The following PDE1C variants were observed in gnomAD, a reference collection of about 807,000 sequenced individuals.
PDE1C encodes the protein phosphodiesterase 1C.
Under a neutral mutation model 93.1 loss-of-function variants are expected in PDE1C, and 62 were observed. The observed-to-expected ratio is 0.67, with a 90% confidence interval of 0.54 to 0.82. The LOEUF (loss-of-function observed/expected upper bound fraction) is 0.82. PDE1C is among the 40% of genes least tolerant of loss of function. The probability of loss-of-function intolerance (pLI) is 0.00; values close to 1 mark genes in which losing one functional copy is unlikely to be tolerated. For synonymous variants in PDE1C, 325 were observed against 310.1 expected, an observed-to-expected ratio of 1.05 and a Z score of -0.50; for missense variants, 742 against 884.6, an observed-to-expected ratio of 0.84 and a Z score of 2.04.
rs1276142168 is a variant in PDE1C, at chr7:32,298,041, TCTCTCTCTCTCTCTCTCTCTCTCC to T, written c.85+586_85+609del. Among the ~76,000 whole-genome samples, 280 of 69,998 alleles carry T rather than the reference TCTCTCTCTCTCTCTCTCTCTCTCC, an allele frequency of 4.0e-3. 76 individuals carry two copies. The highest frequency in any genetic ancestry group is 5.7e-3 in the South Asian group (8 of 1,392). The allele number at this position is 69,998 out of a possible 152,430, so 45.9% of individuals were successfully genotyped here. A position where few individuals can be genotyped will look rare whatever the true frequency, so the allele number is the denominator to read the frequency against. ...CCCTCTCTCTCTCTCTCTCTCTCTCTCTCTCTCTCTCTCTCTCTCTCTCCCCTCTCTCTCTGAATTCCCCGGTCT... is the reference window on the plus strand; with the variant it reads ...CCCTCTCTCTCTCTCTCTCTCTCTCTCCTCTCTCTCTGAATTCCCCGGTCT... On this transcript the variant is annotated intron_variant, in intron 1 of 18. Transcript: ENST00000396193.
chr7:32,298,785 G>T (rs772193808), exon 1 of PDE1C: 6 of 1,545,146 alleles, frequency 3.9e-6, no homozygotes, highest in Middle Eastern at 1.9e-4. Context: ...CGGCGTCTGC[G>T]GTCCCCCCCA....
the PDE1C span, chr7:31,658,136 G>A: frequency 1.7e-6 from 1 of 574,842 alleles, no homozygotes; most frequent in Admixed American, 3.7e-5. Flanking sequence ...AAACCTTGAG[G>A]GTTGCTCTGA....
chr7:31,820,388 T>C (rs1483314837), intron 14 of PDE1C: 1 of 152,138 alleles, frequency 6.6e-6, no homozygotes, highest in Non-Finnish European at 1.5e-5. Flanking sequence ...AAGTACTAAA[T>C]ACTGAATGGA....
At chr7:31,818,743 C>T (rs1194912334) in intron 14 of PDE1C, among the ~76,000 whole-genome samples, 1 of 152,046 alleles carries the variant, frequency 6.6e-6, no homozygotes, top group African/African-American at 2.4e-5. Context: ...ATACCCAGAA[C>T]CTGGTATCAA....
intron 2 of PDE1C, among the ~76,000 whole-genome samples, chr7:32,012,288 G>A (rs559522964): frequency 3.9e-5 from 6 of 152,140 alleles, no homozygotes; most frequent in South Asian, 4.1e-4. Flanking sequence ...ATTGTATCAC[G>A]TGGTGGCAAG....
At chr7:32,316,394 G>T (rs1328965581) in intron 1 of PDE1C, among the ~76,000 whole-genome samples, 1 of 152,130 alleles carries the variant, frequency 6.6e-6, no homozygotes, top group Non-Finnish European at 1.5e-5. Flanking sequence ...TTGCAAAAGG[G>T]TCTTCATTCT....
the PDE1C span, among the ~76,000 whole-genome samples, chr7:31,631,985 A>G: frequency 6.6e-6 from 1 of 152,220 alleles, no homozygotes; most frequent in African/African-American, 2.4e-5. Context: ...AGGGCCCTGC[A>G]GGTCCCAGTG....
At chr7:31,891,933 A>T (rs62456028) in intron 2 of PDE1C, among the ~76,000 whole-genome samples, 54 of 152,166 alleles carry the variant, frequency 3.5e-4, no homozygotes, top group African/African-American at 1.3e-3. Flanking sequence ...TAGTTTTTCA[A>T]AATGTTTCCA....
the PDE1C span, among the ~76,000 whole-genome samples, chr7:31,701,731 C>T: frequency 2.0e-5 from 3 of 152,248 alleles, no homozygotes; most frequent in African/African-American, 7.2e-5. Flanking sequence ...CTACTCTGAT[C>T]AGTCAGCAGC....
chr7:31,714,322 C>G, the PDE1C span, among the ~76,000 whole-genome samples: 1 of 152,172 alleles, frequency 6.6e-6, no homozygotes, highest in South Asian at 2.1e-4. Context: ...AGTTCCTCAT[C>G]TCCATCTCAG....
At chr7:31,893,522 T>C in intron 2 of PDE1C, 1 of 983,120 alleles carries the variant, frequency 1.0e-6, no homozygotes, top group Non-Finnish European at 1.2e-6. Flanking sequence ...CCTTTCTTTG[T>C]AGATGAAGAA....
At chr7:31,974,752 T>C (rs1811426564) in intron 2 of PDE1C, among the ~76,000 whole-genome samples, 1 of 152,184 alleles carries the variant, frequency 6.6e-6, no homozygotes, top group East Asian at 1.9e-4. Flanking sequence ...AGTGTGGGAA[T>C]TGACTGCAAA....
intron 8 of PDE1C, 33 bp from the exon 9 acceptor site, chr7:31,848,129 T>TA (rs1490361299): frequency 1.6e-5 from 26 of 1,606,548 alleles, no homozygotes; most frequent in Non-Finnish European, 2.2e-5. Flanking sequence ...TTCAGAATGT[T>TA]AAACAGTTGT....
At chr7:31,799,142 G>T (rs1785676136) in intron 16 of PDE1C, among the ~76,000 whole-genome samples, 1 of 151,670 alleles carries the variant, frequency 6.6e-6, no homozygotes, top group African/African-American at 2.4e-5. Flanking sequence ...ATGTGACAAA[G>T]CATTTATTGT....
intron 2 of PDE1C, among the ~76,000 whole-genome samples, chr7:32,037,889 TACCTCC>T (rs1375158135): frequency 6.6e-6 from 1 of 152,158 alleles, no homozygotes; most frequent in African/African-American, 2.4e-5. Flanking sequence ...GGTCAAAATT[TACCTCC>T]ATAAATAAAA....
At chr7:31,852,905 C>A (rs916617916) in intron 7 of PDE1C, among the ~76,000 whole-genome samples, 8 of 150,970 alleles carry the variant, frequency 5.3e-5, no homozygotes, top group Non-Finnish European at 1.2e-4. Context: ...AATATTTTGT[C>A]CCCACCCATC....
intron 2 of PDE1C, among the ~76,000 whole-genome samples, chr7:31,958,860 A>G (rs939042698): frequency 2.6e-5 from 4 of 152,212 alleles, no homozygotes; most frequent in African/African-American, 9.6e-5. Context: ...TCTGAAGTGT[A>G]TACTATACAG....
intron 2 of PDE1C, among the ~76,000 whole-genome samples, chr7:32,186,005 G>T (rs73104554): frequency 1.3e-5 from 1 of 75,002 alleles, no homozygotes; most frequent in Non-Finnish European, 2.5e-5. Context: ...TTTCTAATTC[G>T]TCTTTGCTTT....
intron 2 of PDE1C, among the ~76,000 whole-genome samples, chr7:31,911,330 C>A (rs981812432): frequency 6.6e-6 from 1 of 151,874 alleles, no homozygotes; most frequent in Admixed American, 6.6e-5. Flanking sequence ...TTGAGAGAGG[C>A]CTATATGATA....
Sources: allele counts gnomAD v4.1 joint callset (sites outside exome capture counted in the v4.1 genomes callset), GRCh38; gene constraint gnomAD v4.1.1; transcripts MANE v1.5; gene names NCBI Gene and HGNC (gene_info 2026-07-23, HGNC 2026-07-21).